Variants in ACACB observed in about 807,000 individuals in gnomAD.
The protein encoded by ACACB is acetyl-CoA carboxylase beta.
A neutral mutation model predicts 278.8 loss-of-function variants in ACACB; 209 were observed. The ratio of observed to expected loss-of-function variants is 0.75; its 90% CI spans 0.67 to 0.84. ACACB has a LOEUF of 0.84. ACACB is among the 40% of genes least tolerant of loss of function. The pLI is 0.00. For missense variants in ACACB, 2,850 were observed against 3,269.0 expected (o/e 0.87, Z 3.13); for synonymous variants, 1,174 against 1,285.6 (o/e 0.91, Z 1.86).
rs1296510822 is a variant in ACACB, at chr12:109,256,244, T to G, written c.6263+8T>G. On this transcript the variant is annotated splice_region_variant and intron_variant, in intron 45 of 52. Transcript: ENST00000338432. ...GGTGACAGGACGAGCAAGGTAATCA[T>G]GAAGACGGGAGCAGGCTGCCCATGT... The G allele has an allele frequency of 1.2e-6, 2 of 1,612,758 alleles. No individual in the cohort carries two copies. Among genetic ancestry groups the G allele is most frequent in the Admixed American group, 3.3e-5 (2 of 59,994 alleles).
At chr12:109,253,247 G>A in intron 43 of ACACB, 89 bp downstream of exon 43, 1 of 1,359,132 alleles carries the variant, frequency 7.4e-7, no homozygotes, top group Middle Eastern at 2.0e-4. Context: ...TGGGTGGTGT[G>A]GGAGGCTGAG....
intron 44 of ACACB, among the ~76,000 whole-genome samples, chr12:109,255,283 A>G (rs1042153808): frequency 6.6e-6 from 1 of 152,240 alleles, no homozygotes; most frequent in African/African-American, 2.4e-5. Flanking sequence ...TCCCAAATCT[A>G]GAATTTCACA....
chr12:109,233,692 C>A, intron 29 of ACACB, 56 bp from the exon 30 acceptor site: 2 of 1,480,344 alleles, frequency 1.4e-6, no homozygotes, highest in Non-Finnish European at 9.4e-7. Flanking sequence ...GGAAGCTTGA[C>A]CTCATCCCCA....
intron 22 of ACACB, among the ~76,000 whole-genome samples, chr12:109,215,891 G>A (rs1420424000): frequency 6.6e-6 from 1 of 152,004 alleles, no homozygotes; most frequent in Non-Finnish European, 1.5e-5. Flanking sequence ...TGACCTCCTG[G>A]GCTCAAGCGA....
intron 4 of ACACB, among the ~76,000 whole-genome samples, chr12:109,169,998 A>G (rs1344215962): frequency 1.3e-5 from 2 of 152,186 alleles, no homozygotes; most frequent in African/African-American, 4.8e-5. Flanking sequence ...ATTCTATAGT[A>G]CAGATGTCCC....
chr12:109,249,102 C>G (rs1305629037), intron 40 of ACACB: 2 of 152,188 alleles, frequency 1.3e-5, no homozygotes, highest in Non-Finnish European at 2.9e-5. Flanking sequence ...CATCCAGAAG[C>G]AAAGAACACG....
At chr12:109,257,359 C>T (rs1316661034) in intron 45 of ACACB, among the ~76,000 whole-genome samples, 2 of 151,452 alleles carry the variant, frequency 1.3e-5, no homozygotes. Flanking sequence ...TGTGAAAACA[C>T]TTTGATTTGA....
rs878968663 is a variant in ACACB at position 109,216,724 on chromosome 12, C to T, written c.3439+18C>T. The stretch of plus-strand genomic sequence containing the variant: ...TCAGCAAGGCAAGAGATGCTGATGC[C>T]AACACCAGTGGGATGGTGGGGGGCG... On this transcript the variant is annotated intron_variant, in intron 23 of 52. Transcript: ENST00000338432. 1.2e-6 allele frequency: 2 copies of T among 1,614,080 alleles called. No homozygotes were observed. The highest frequency in any genetic ancestry group is 2.2e-5 in the South Asian group (2 of 91,086).
intron 11 of ACACB, among the ~76,000 whole-genome samples, chr12:109,182,401 T>A (rs1465379279): frequency 1.3e-5 from 2 of 152,328 alleles, no homozygotes; most frequent in South Asian, 2.1e-4. Flanking sequence ...AGGGCCTTGC[T>A]CTGTTGCCCA....
intron 2 of ACACB, among the ~76,000 whole-genome samples, chr12:109,158,793 G>A (rs2043625325): frequency 6.6e-6 from 1 of 151,992 alleles, no homozygotes; most frequent in African/African-American, 2.4e-5. Context: ...TGGCCAACAT[G>A]GTAAAACCCT....
At chr12:109,224,673 A>G (rs1257783782) in intron 27 of ACACB, among the ~76,000 whole-genome samples, 2 of 151,626 alleles carry the variant, frequency 1.3e-5, no homozygotes, top group Non-Finnish European at 2.9e-5. Flanking sequence ...CTGGGCCTAC[A>G]GGCGCCCACC....
chr12:109,196,259 G>A (rs532372173), intron 16 of ACACB, among the ~76,000 whole-genome samples: 2 of 152,282 alleles, frequency 1.3e-5, no homozygotes, highest in South Asian at 4.1e-4. Context: ...GGTCTGGGAA[G>A]CAGAGCCCTA....
chr12:109,162,834 A>G (rs1262565857), intron 2 of ACACB, among the ~76,000 whole-genome samples: 1 of 152,194 alleles, frequency 6.6e-6, no homozygotes, highest in East Asian at 1.9e-4. Flanking sequence ...CTCAGGGTCA[A>G]CCAGGTCCAC....
intron 2 of ACACB, among the ~76,000 whole-genome samples, chr12:109,157,008 GA>G (rs200367119): frequency 6.0e-5 from 9 of 149,468 alleles, no homozygotes; most frequent in African/African-American, 1.5e-4. Flanking sequence ...CACTTTAATG[GA>G]AAAAAAGAAA....
At chr12:109,133,285 C>T (rs1242834265) in intron 1 of ACACB, among the ~76,000 whole-genome samples, 1 of 151,826 alleles carries the variant, frequency 6.6e-6, no homozygotes, top group African/African-American at 2.4e-5. Context: ...GGCTGGAGTG[C>T]AGTGGCGTGA....
In ACACB at chr12:109,185,732, C is replaced by T; in HGVS notation, c.1972C>T (p.Pro658Ser). ...TGCCGCCAGAATCACCAGCGAAAAC[C>T]CAGACGAGGCAAGTTATGGGGGCCC... ...VIAARITSEN[P>S]DEGFKPSSGT... The change falls in exon 12 of 53, where the codon CCA (proline) becomes TCA (serine). Residue 658 changes from proline (P) to serine (S), a missense_variant. Transcript: ENST00000338432. 6.2e-7 allele frequency: 1 copy of T among 1,609,376 alleles called. No homozygotes were observed. Among genetic ancestry groups the T allele is most frequent in the South Asian group, 1.1e-5 (1 of 90,656 alleles).
chr12:109,138,428 C>T (rs1407669230), intron 1 of ACACB, among the ~76,000 whole-genome samples: 1 of 152,110 alleles, frequency 6.6e-6, no homozygotes, highest in Non-Finnish European at 1.5e-5. Context: ...AAGCATACCC[C>T]ACACTGGGGA....
intron 3 of ACACB, among the ~76,000 whole-genome samples, 177 bp from the exon 4 acceptor site, chr12:109,167,719 T>C (rs550115349): frequency 1.3e-4 from 19 of 148,042 alleles, no homozygotes; most frequent in Non-Finnish European, 2.7e-4. Flanking sequence ...TGGCAGACTT[T>C]GAGCTCCTGC....
At chr12:109,158,268 T>C (rs554175898) in intron 2 of ACACB, among the ~76,000 whole-genome samples, 1 of 152,196 alleles carries the variant, frequency 6.6e-6, no homozygotes, top group Admixed American at 6.5e-5. Flanking sequence ...AGTTATGTAA[T>C]TGAACAGGCC....
Sources: allele counts gnomAD v4.1 joint callset (sites outside exome capture counted in the v4.1 genomes callset), GRCh38; gene constraint gnomAD v4.1.1; transcripts MANE v1.5; gene names NCBI Gene and HGNC (gene_info 2026-07-23, HGNC 2026-07-21).